HS2ST1: variants seen among roughly 807,000 people sequenced by gnomAD.
HS2ST1 encodes heparan sulfate 2-O-sulfotransferase 1.
In HS2ST1, 18 loss-of-function variants were observed where a neutral mutation model predicts 42.9. That is an observed-to-expected ratio of 0.42 (90% CI 0.29 to 0.62). The LOEUF is 0.62. Ranked by LOEUF, HS2ST1 falls within the 20% of genes least tolerant of loss-of-function variation. The pLI, the probability that HS2ST1 is intolerant of heterozygous loss-of-function variation, is 0.21. For missense variants in HS2ST1, 334 were observed against 433.8 expected, an observed-to-expected ratio of 0.77 and a Z score of 2.04; for synonymous variants, 146 against 152.9, an observed-to-expected ratio of 0.95 and a Z score of 0.33.
At chr1:87,040,341 T>C (rs779727922) in intron 1 of HS2ST1, among the ~76,000 whole-genome samples, 8 of 152,168 alleles carry the variant, frequency 5.3e-5, no homozygotes, top group African/African-American at 1.7e-4. Flanking sequence ...TTGCTTGATA[T>C]AGGACCTGTA....
intron 1 of HS2ST1, among the ~76,000 whole-genome samples, chr1:86,960,344 T>C (rs1238434288): frequency 6.6e-6 from 1 of 151,478 alleles, no homozygotes; most frequent in Non-Finnish European, 1.5e-5. Flanking sequence ...TAGAAGATAA[T>C]AAAGGAGAAA....
intron 1 of HS2ST1, among the ~76,000 whole-genome samples, chr1:87,029,271 C>G (rs1432094945): frequency 6.6e-6 from 1 of 152,104 alleles, no homozygotes; most frequent in Non-Finnish European, 1.5e-5. Flanking sequence ...AAAATAACCA[C>G]CTTCTTTTAA....
intron 1 of HS2ST1, among the ~76,000 whole-genome samples, chr1:87,043,520 A>G (rs1650570455): frequency 1.3e-5 from 2 of 152,106 alleles, no homozygotes; most frequent in Admixed American, 1.3e-4. Flanking sequence ...TTTATCCCCA[A>G]GAATCAACTG....
At chr1:87,046,433 C>A in intron 1 of HS2ST1, 2 of 916,890 alleles carry the variant, frequency 2.2e-6, no homozygotes, top group Non-Finnish European at 3.6e-6. Flanking sequence ...AGAGCTAGAA[C>A]ATTCTAATAA....
chr1:86,974,333 G>A (rs1257114211), intron 1 of HS2ST1, among the ~76,000 whole-genome samples: 2 of 152,176 alleles, frequency 1.3e-5, no homozygotes, highest in Non-Finnish European at 2.9e-5. Context: ...GATTTGGAGA[G>A]CTTCTAGGTT....
intron 1 of HS2ST1, among the ~76,000 whole-genome samples, chr1:87,007,595 AT>A (rs926619002): frequency 2.6e-5 from 4 of 151,754 alleles, no homozygotes; most frequent in African/African-American, 9.7e-5. Context: ...CTTTCTACTC[AT>A]TTTTTTTCCT....
intron 1 of HS2ST1, among the ~76,000 whole-genome samples, chr1:86,983,952 A>G (rs1167657827): frequency 6.6e-6 from 1 of 151,810 alleles, no homozygotes; most frequent in Non-Finnish European, 1.5e-5. Flanking sequence ...AGGCAGGAGA[A>G]TTGCTTGAAC....
Position 87,103,569 on chromosome 1 carries a change from C to T in HS2ST1, c.824C>T (p.Ala275Val), listed in dbSNP as rs1652265793. ...EAALPRFFRGATELYRTGKKS... is the reference protein window; with the variant it reads ...EAALPRFFRGVTELYRTGKKS... ...GCATTGCCCCGGTTTTTCAGGGGTGCTACTGAACTCTATCGCACAGGTATA... is the reference window on the plus strand; with the variant it reads ...GCATTGCCCCGGTTTTTCAGGGGTGTTACTGAACTCTATCGCACAGGTATA... The change falls in exon 6 of 7, where the codon GCT becomes GTT. Residue 275 changes from alanine to valine, a missense_variant. Coordinates refer to ENST00000370550, the MANE Select transcript of HS2ST1 (RefSeq NM_012262.4). The T allele has an allele frequency of 6.2e-7, 1 of 1,609,016 alleles. No individual in the cohort carries two copies. Among genetic ancestry groups the T allele is most frequent in the Non-Finnish European group, 8.5e-7 (1 of 1,178,186 alleles).
Position 87,001,194 on chromosome 1 carries a change from G to A in HS2ST1, c.125-71740G>A, listed in dbSNP as rs191668129. 1.2e-4 allele frequency among the ~76,000 whole-genome samples: 18 copies of A among 152,292 alleles called. No individual in the cohort carries two copies. In the East Asian group the frequency reaches 2.3e-3, roughly 20 times the overall value. ...AGATAATCAGGAGAAGAGAGGTGCT[G>A]TATGTGAATACCTTTGGATTTACTG... On this transcript the variant is annotated intron_variant, in intron 1 of 6. Coordinates refer to ENST00000370550, the MANE Select transcript of HS2ST1 (RefSeq NM_012262.4).
chr1:86,986,790 A>C (rs1364990662), intron 1 of HS2ST1, among the ~76,000 whole-genome samples: 1 of 152,188 alleles, frequency 6.6e-6, no homozygotes, highest in Non-Finnish European at 1.5e-5. Context: ...CCCTGCTGAC[A>C]TCTTGATTTT....
intron 1 of HS2ST1, among the ~76,000 whole-genome samples, chr1:87,061,370 C>T (rs1191125426): frequency 2.0e-5 from 3 of 152,004 alleles, no homozygotes; most frequent in African/African-American, 2.4e-5. Context: ...CCAAAGGAAA[C>T]CCCATCACCG....
intron 1 of HS2ST1, among the ~76,000 whole-genome samples, chr1:86,917,212 A>G (rs1660179783): frequency 6.6e-6 from 1 of 152,182 alleles, no homozygotes. Flanking sequence ...TGTTTAAAGT[A>G]AGAACACCAT....
chr1:86,993,080 A>G (rs1387179238), intron 1 of HS2ST1: 1 of 1,595,612 alleles, frequency 6.3e-7, no homozygotes, highest in South Asian at 1.1e-5. Context: ...TCTTTCCTGT[A>G]CATGCTGTTT....
chr1:87,107,950 A>T lies in HS2ST1; in HGVS notation c.*3254A>T, dbSNP rs770518246. The T allele has an allele frequency of 1.1e-4, 16 of 152,090 alleles. No homozygotes were observed. Among genetic ancestry groups the T allele is most frequent in the African/African-American group, 1.7e-4 (7 of 41,448 alleles). 9.4% of individuals were successfully genotyped at this position (152,090 alleles called of 1,614,324 possible). A position where few individuals can be genotyped will look rare whatever the true frequency, so the allele number is the denominator to read the frequency against. On this transcript the variant is annotated 3_prime_UTR_variant, in exon 7 of 7. Coordinates refer to ENST00000370550, the MANE Select transcript of HS2ST1 (RefSeq NM_012262.4). ...AATTCCTGATGATTGGATTTAAGCT[A>T]TTGAAAATTGGATAATTTAAACTTA...
chr1:87,013,122 ACAG>A (rs1649650857), intron 1 of HS2ST1, among the ~76,000 whole-genome samples: 3 of 152,178 alleles, frequency 2.0e-5, no homozygotes, highest in Non-Finnish European at 2.9e-5. Context: ...CCCTCTTCTC[ACAG>A]CTCCAGTAGG....
At chr1:86,985,582 C>T (rs1049212707) in intron 1 of HS2ST1, among the ~76,000 whole-genome samples, 1 of 148,406 alleles carries the variant, frequency 6.7e-6, no homozygotes, top group Non-Finnish European at 1.5e-5. Flanking sequence ...CTAACAGAAT[C>T]CCAATTTCAA....
chr1:87,082,007 G>T (rs1651704766), intron 2 of HS2ST1, among the ~76,000 whole-genome samples: 1 of 150,644 alleles, frequency 6.6e-6, no homozygotes. Flanking sequence ...AAAAAAAGAA[G>T]GTTTTTTTGA....
chr1:87,016,931 G>T (rs537905289), intron 1 of HS2ST1, among the ~76,000 whole-genome samples: 2 of 151,924 alleles, frequency 1.3e-5, no homozygotes, highest in African/African-American at 4.8e-5. Flanking sequence ...AAGGAACTTG[G>T]TTGTTACATA....
chr1:87,103,735 A>G (rs1483550052), intron 6 of HS2ST1, 146 bp downstream of exon 6: 5 of 627,658 alleles, frequency 8.0e-6, no homozygotes, highest in Non-Finnish European at 1.3e-5. Context: ...TCTGCTCACT[A>G]TTTTCAATTG....
Sources: allele counts gnomAD v4.1 joint callset (sites outside exome capture counted in the v4.1 genomes callset), GRCh38; gene constraint gnomAD v4.1.1; transcripts MANE v1.5; gene names NCBI Gene and HGNC (gene_info 2026-07-23, HGNC 2026-07-21).